Variants in CCSER1 observed in about 807,000 individuals in gnomAD.
CCSER1 encodes the protein serine-rich coiled-coil domain-containing protein 1.
CCSER1 carries 41 observed loss-of-function variants against 82.0 expected under a neutral mutation model. The observed-to-expected ratio is 0.50, with a 90% CI of 0.39 to 0.65. CCSER1 has a LOEUF of 0.65. Ranked by LOEUF, CCSER1 falls within the 30% of genes least tolerant of loss-of-function variation. CCSER1 has a pLI of 0.00. For missense variants in CCSER1, 1,119 were observed against 1,064.2 expected (o/e 1.05, Z -0.72); for synonymous variants, 414 against 383.9 (o/e 1.08, Z -0.92).
chr4:91,233,435 A>C (rs1327225922), intron 10 of CCSER1, among the ~76,000 whole-genome samples: 1 of 151,908 alleles, frequency 6.6e-6, no homozygotes, highest in Non-Finnish European at 1.5e-5. Context: ...TGTGAATTTT[A>C]TTTAAGTTAT....
At chr4:90,631,140 G>A (rs1248415190) in intron 6 of CCSER1, among the ~76,000 whole-genome samples, 2 of 151,976 alleles carry the variant, frequency 1.3e-5, no homozygotes, top group Non-Finnish European at 1.5e-5. Context: ...TGATCCGCCC[G>A]CCTAGGCCTC....
chr4:91,256,140 G>A (rs1243365538), intron 10 of CCSER1, among the ~76,000 whole-genome samples: 1 of 152,034 alleles, frequency 6.6e-6, no homozygotes, highest in Middle Eastern at 3.2e-3. Context: ...TCCTGGTTGG[G>A]TGGGGGGGCC....
intron 10 of CCSER1, among the ~76,000 whole-genome samples, chr4:91,375,755 T>A (rs1750369378): frequency 6.6e-6 from 1 of 152,064 alleles, no homozygotes; most frequent in South Asian, 2.1e-4. Flanking sequence ...AAGACTTATT[T>A]CAACAAATAA....
At chr4:91,192,754 T>C (rs1192807895) in intron 10 of CCSER1, among the ~76,000 whole-genome samples, 1 of 152,150 alleles carries the variant, frequency 6.6e-6, no homozygotes, top group African/African-American at 2.4e-5. Flanking sequence ...TTTTTCCTAG[T>C]CAAAATTTTG....
At chr4:90,195,990 C>T (rs1225629618) in intron 1 of CCSER1, among the ~76,000 whole-genome samples, 2 of 151,866 alleles carry the variant, frequency 1.3e-5, no homozygotes, top group African/African-American at 4.8e-5. Flanking sequence ...TTCCCAATAT[C>T]TTTTCCTTTG....
chr4:91,107,665 A>G (rs1002566663), intron 10 of CCSER1, among the ~76,000 whole-genome samples: 8 of 147,164 alleles, frequency 5.4e-5, no homozygotes, highest in African/African-American at 2.0e-4. Flanking sequence ...TTGATGTTTG[A>G]AAAGAAGAAA....
chr4:90,844,959 T>A (rs928460720), intron 8 of CCSER1, among the ~76,000 whole-genome samples: 1 of 152,202 alleles, frequency 6.6e-6, no homozygotes, highest in Admixed American at 6.5e-5. Context: ...AATATGTAAA[T>A]GAATTGGTGT....
intron 7 of CCSER1, among the ~76,000 whole-genome samples, chr4:90,800,993 G>A (rs551050417): frequency 1.3e-5 from 2 of 152,140 alleles, no homozygotes; most frequent in East Asian, 3.9e-4. Flanking sequence ...AAAAAAATCA[G>A]TAAGATGGGC....
intron 10 of CCSER1, among the ~76,000 whole-genome samples, chr4:91,410,613 A>C (rs550334934): frequency 6.6e-6 from 1 of 152,314 alleles, no homozygotes; most frequent in East Asian, 1.9e-4. Context: ...GAAAACTTAA[A>C]TATTCTCTGC....
In CCSER1 at chr4:90,400,010, A is replaced by C. The variant is rs182275457; in HGVS notation, c.1510-26A>C. The C allele has an allele frequency of 3.6e-6, 5 of 1,390,512 alleles. No homozygotes were observed. The African/African-American group carries it at 5.7e-5, about 16-fold the overall frequency. 86.1% of individuals were successfully genotyped at this position (1,390,512 alleles called of 1,614,324 possible). A position where few individuals can be genotyped will look rare whatever the true frequency, so the allele number is the denominator to read the frequency against. On this transcript the variant is annotated intron_variant, in intron 3 of 10. Transcript: ENST00000509176. ...TCATTTACTCAGTGTTTTGGTTTCTAATTGTTGGTTTTGATTTTTCTTCAG... is the reference window on the plus strand; with the variant it reads ...TCATTTACTCAGTGTTTTGGTTTCTCATTGTTGGTTTTGATTTTTCTTCAG...
chr4:90,303,996 T>C (rs1579068837), intron 1 of CCSER1, among the ~76,000 whole-genome samples: 1 of 152,274 alleles, frequency 6.6e-6, no homozygotes, highest in East Asian at 1.9e-4. Context: ...GCGAAGGACA[T>C]GAACAGACAC....
At chr4:90,149,954 A>C (rs1726500511) in intron 1 of CCSER1, among the ~76,000 whole-genome samples, 1 of 152,192 alleles carries the variant, frequency 6.6e-6, no homozygotes, top group Non-Finnish European at 1.5e-5. Context: ...GGAAATCACC[A>C]GTGTTTATGT....
At chr4:90,359,790 G>C (rs1744975934) in intron 3 of CCSER1, among the ~76,000 whole-genome samples, 1 of 150,030 alleles carries the variant, frequency 6.7e-6, no homozygotes, top group South Asian at 2.1e-4. Context: ...ATGGTTTTAT[G>C]GTAGATAACT....
At chr4:91,553,338 A>G (rs1458226502) in intron 10 of CCSER1, among the ~76,000 whole-genome samples, 1 of 151,380 alleles carries the variant, frequency 6.6e-6, no homozygotes, top group Non-Finnish European at 1.5e-5. Flanking sequence ...ATGTTCATCA[A>G]GGTTATTGGC....
Position 90,861,039 on chromosome 4 carries a change from A to T in CCSER1, c.2094+45194A>T, listed in dbSNP as rs558308251. Among the ~76,000 whole-genome samples the T allele has an allele frequency of 6.1e-4, 92 of 151,862 alleles. 2 individuals carry two copies. Among genetic ancestry groups the T allele is most frequent in the African/African-American group, 1.9e-3 (80 of 41,534 alleles). ...TGAATTATAACTCGATAAAACAATT[A>T]TACAAATGATAATAAAAAATCAGCA... On this transcript the variant is annotated intron_variant, in intron 8 of 10. Coordinates refer to ENST00000509176, the MANE Select transcript of CCSER1 (RefSeq NM_001145065.2).
chr4:91,440,275 A>G (rs899602065), intron 10 of CCSER1, among the ~76,000 whole-genome samples: 2 of 152,156 alleles, frequency 1.3e-5, no homozygotes, highest in African/African-American at 4.8e-5. Flanking sequence ...CTCTCAGACC[A>G]CAGTGCAATC....
In CCSER1 at chr4:91,182,995, G is replaced by T. The variant is rs533391545; in HGVS notation, c.2217+97001G>T. Among the ~76,000 whole-genome samples, 4 of 152,344 alleles carry T rather than the reference G, an allele frequency of 2.6e-5. No individual in the cohort carries two copies. In the South Asian group the frequency reaches 8.3e-4, roughly 32 times the overall value. On this transcript the variant is annotated intron_variant, in intron 10 of 10. Coordinates refer to ENST00000509176, the MANE Select transcript of CCSER1 (RefSeq NM_001145065.2). ...CAGAGGCATTAACATGGGTTAAATT[G>T]TGAAAGTGTCTAGCATTAGATATTG... is the stretch of plus-strand genomic sequence containing the variant.
chr4:91,446,672 A>AT (rs1553938715), intron 10 of CCSER1, among the ~76,000 whole-genome samples: 1,322 of 72,454 alleles, frequency 0.018, 18 homozygotes, highest in East Asian at 0.064. Context: ...ATTTTAAATA[A>AT]ATAAATATAT....
intron 10 of CCSER1, among the ~76,000 whole-genome samples, chr4:91,592,582 TCTA>T (rs1254894235): frequency 6.7e-6 from 1 of 150,172 alleles, no homozygotes; most frequent in Non-Finnish European, 1.5e-5. Flanking sequence ...CTACTTAGCT[TCTA>T]CTACAAGAAC....
Sources: allele counts gnomAD v4.1 joint callset (sites outside exome capture counted in the v4.1 genomes callset), GRCh38; gene constraint gnomAD v4.1.1; transcripts MANE v1.5; gene names NCBI Gene and HGNC (gene_info 2026-07-23, HGNC 2026-07-21).